ERLEC1: variants seen among roughly 807,000 people sequenced by gnomAD.
The protein encoded by ERLEC1 is endoplasmic reticulum lectin 1.
In ERLEC1, 47 loss-of-function variants were observed where a neutral mutation model predicts 68.0. That is an observed-to-expected ratio of 0.69 (90% CI 0.55 to 0.88). The LOEUF (loss-of-function observed/expected upper bound fraction) is 0.88. ERLEC1 is among the 40% of genes least tolerant of loss of function. ERLEC1 has a pLI of 0.00. For missense variants in ERLEC1, 567 were observed against 583.8 expected (o/e 0.97, Z 0.30); for synonymous variants, 225 against 203.2 (o/e 1.11, Z -0.91).
At chr2:53,796,071 CT>C in intron 3 of ERLEC1, 58 bp downstream of exon 3, 1 of 1,150,890 alleles carries the variant, frequency 8.7e-7, no homozygotes, top group Middle Eastern at 2.0e-4. Context: ...GCCAACAGAC[CT>C]TTGAAAATAC....
At chr2:53,788,629 C>G (rs1048598889) in intron 1 of ERLEC1, 1 of 151,834 alleles carries the variant, frequency 6.6e-6, no homozygotes, top group Non-Finnish European at 1.5e-5. Context: ...AACTCCTGGG[C>G]TCAAGCAATC....
At chr2:53,793,456 T>C (rs1398829698) in intron 1 of ERLEC1, among the ~76,000 whole-genome samples, 1 of 152,216 alleles carries the variant, frequency 6.6e-6, no homozygotes, top group African/African-American at 2.4e-5. Flanking sequence ...GTTTACATAT[T>C]GTGTACTTTT....
intron 1 of ERLEC1, chr2:53,787,719 TCTTA>T (rs1246370766): frequency 1.3e-5 from 3 of 223,162 alleles, no homozygotes; most frequent in East Asian, 1.9e-4. Flanking sequence ...TAACTGTGGC[TCTTA>T]CTTCACCAGC....
At chr2:53,807,987 C>T (rs1045707363) in intron 8 of ERLEC1, among the ~76,000 whole-genome samples, 38 of 150,422 alleles carry the variant, frequency 2.5e-4, no homozygotes, top group Non-Finnish European at 7.4e-5. Flanking sequence ...ACCGCACCAG[C>T]GCACTCCAGC....
At position 53,814,618 on chromosome 2, in the gene ERLEC1, AAAGT is replaced by A. The variant is rs1676765073; in HGVS notation, c.1304+3_1304+6del. 6.2e-7 allele frequency: 1 copy of A among 1,607,012 alleles called. No individual in the cohort carries two copies. Among genetic ancestry groups the A allele is most frequent in the East Asian group, 2.2e-5 (1 of 44,690 alleles). ...AACCAAGACAGGTGACTGTAAAACT[AAAGT>A]AAGTTAGACCATCAAATCATGCTGT... On this transcript the variant is annotated splice_donor_variant and coding_sequence_variant, in exon 12 of 14. Coordinates refer to ENST00000185150, the MANE Select transcript of ERLEC1 (RefSeq NM_015701.5). LOFTEE classifies it high-confidence loss of function.
rs1184693084 is a variant in ERLEC1, at chr2:53,796,164, T to C, written c.348+151T>C. 9 of 513,566 alleles carry C rather than the reference T, an allele frequency of 1.8e-5. No homozygotes were observed. In the East Asian group the frequency reaches 2.7e-4, roughly 15 times the overall value. 31.8% of individuals were successfully genotyped at this position (513,566 alleles called of 1,614,324 possible). On this transcript the variant is annotated intron_variant, in intron 3 of 13. Transcript: ENST00000185150. ...TAGGGTTACCTGTGCAGGATTGTTA[T>C]ATAGGTAAACTGCATGTCACCGGGG... is the stretch of plus-strand genomic sequence containing the variant.
intron 9 of ERLEC1, among the ~76,000 whole-genome samples, 179 bp from the exon 10 acceptor site, chr2:53,809,035 A>G (rs968670190): frequency 6.6e-6 from 1 of 152,230 alleles, no homozygotes; most frequent in African/African-American, 2.4e-5. Context: ...AATTTTACCA[A>G]GACAGTGCAT....
At chr2:53,808,611 A>C in intron 9 of ERLEC1, 151 bp downstream of exon 9, 1 of 716,368 alleles carries the variant, frequency 1.4e-6, no homozygotes, top group Non-Finnish European at 2.3e-6. Flanking sequence ...TTGCAGTCTC[A>C]TACCCCCACG....
At chr2:53,813,360 T>G (rs1048671458) in intron 11 of ERLEC1, among the ~76,000 whole-genome samples, 1 of 152,198 alleles carries the variant, frequency 6.6e-6, no homozygotes, top group Non-Finnish European at 1.5e-5. Flanking sequence ...GTAATGGTAT[T>G]TGCCTCATAT....
intron 9 of ERLEC1, 53 bp downstream of exon 9, chr2:53,808,513 G>A (rs2287346): frequency 0.048 from 75,111 of 1,567,880 alleles, 3,761 homozygotes; most frequent in East Asian, 0.25. Flanking sequence ...TACCTGCCAG[G>A]TATGGTCAGT....
intron 10 of ERLEC1, 24 bp from the exon 11 acceptor site, chr2:53,812,924 AT>A (rs1676667952): frequency 6.3e-7 from 1 of 1,598,582 alleles, no homozygotes; most frequent in Non-Finnish European, 8.5e-7. Context: ...AGCACGCATT[AT>A]CACAAATTTT....
At position 53,817,879 on chromosome 2, in the gene ERLEC1, C is replaced by G. The variant is rs766888669; in HGVS notation, c.1381-19C>G. On this transcript the variant is annotated intron_variant, in intron 13 of 13. Transcript: ENST00000185150. Reference sequence around the variant, plus strand: ...ATTCAGCTTAGCAACTTTTTAATGGCTTTGTTGTTCTTCTTTAGGTTGAAT... The same window carrying G: ...ATTCAGCTTAGCAACTTTTTAATGGGTTTGTTGTTCTTCTTTAGGTTGAAT... 1 of 1,562,620 alleles carries G rather than the reference C, an allele frequency of 6.4e-7. No homozygotes were observed. Among genetic ancestry groups the G allele is most frequent in the Non-Finnish European group, 8.8e-7 (1 of 1,134,240 alleles).
intron 11 of ERLEC1, among the ~76,000 whole-genome samples, chr2:53,814,260 G>A (rs553127851): frequency 2.0e-5 from 3 of 152,072 alleles, no homozygotes; most frequent in African/African-American, 7.2e-5. Context: ...TTTTTTAAAG[G>A]AATCTAACCA....
intron 8 of ERLEC1, among the ~76,000 whole-genome samples, chr2:53,803,052 A>C (rs1676085927): frequency 6.6e-6 from 1 of 152,202 alleles, no homozygotes; most frequent in Admixed American, 6.5e-5. Flanking sequence ...CCAGGAAGAG[A>C]TAACTACTTC....
intron 1 of ERLEC1, among the ~76,000 whole-genome samples, chr2:53,793,600 G>C (rs1483345809): frequency 6.6e-6 from 1 of 150,410 alleles, no homozygotes; most frequent in East Asian, 2.1e-4. Flanking sequence ...CCACCTCTTA[G>C]TGCCTTTTTT....
chr2:53,804,021 C>G (rs1260313832), intron 8 of ERLEC1, among the ~76,000 whole-genome samples: 1 of 152,178 alleles, frequency 6.6e-6, no homozygotes, highest in Non-Finnish European at 1.5e-5. Flanking sequence ...GTCCCAGCTA[C>G]TCGGGAGGAT....
intron 13 of ERLEC1, among the ~76,000 whole-genome samples, chr2:53,817,138 ATTT>A (rs5831282): frequency 1.4e-5 from 2 of 141,380 alleles, no homozygotes; most frequent in African/African-American, 2.6e-5. Context: ...TTATTTACTT[ATTT>A]TTTTTTTTTT....
intron 6 of ERLEC1, among the ~76,000 whole-genome samples, 177 bp from the exon 7 acceptor site, chr2:53,801,220 A>G (rs1675985033): frequency 6.6e-6 from 1 of 152,228 alleles, no homozygotes. Flanking sequence ...ATTTGCTCAA[A>G]TAAAAACTTA....
chr2:53,807,786 T>A (rs544670622), intron 8 of ERLEC1, among the ~76,000 whole-genome samples: 1 of 151,980 alleles, frequency 6.6e-6, no homozygotes, highest in Admixed American at 6.6e-5. Flanking sequence ...GTGGGTAGAT[T>A]ACTTGAGGTC....
Sources: gnomAD v4.1 joint callset for allele counts (sites outside exome capture counted in the v4.1 genomes callset) on GRCh38, gnomAD v4.1.1 for gene constraint, MANE v1.5 for transcripts, NCBI Gene and HGNC (gene_info 2026-07-23, HGNC 2026-07-21) for gene names.